TDP1: variants seen among roughly 807,000 people sequenced by gnomAD.
TDP1 encodes the protein tyr-DNA phosphodiesterase 1.
In TDP1, 64 loss-of-function variants were observed where a neutral mutation model predicts 81.5. The ratio of observed to expected loss-of-function variants is 0.79; its 90% CI spans 0.64 to 0.97. The LOEUF (loss-of-function observed/expected upper bound fraction) is 0.97, where lower values mean the gene tolerates loss of function less well. TDP1 is among the 50% of genes least tolerant of loss of function. The probability of loss-of-function intolerance (pLI) is 0.00; values close to 1 mark genes in which losing one functional copy is unlikely to be tolerated. For missense variants in TDP1, 723 were observed against 743.8 expected (o/e 0.97, Z 0.33); for synonymous variants, 256 against 264.3 (o/e 0.97, Z 0.30).
rs549272110 is a variant in TDP1 at position 90,019,480 on chromosome 14, TCTTC to T, written c.1644+66_1644+69del. 251 of 931,286 alleles carry T rather than the reference TCTTC, an allele frequency of 2.7e-4. 3 individuals carry two copies. The South Asian group carries it at 3.2e-3, about 12-fold the overall frequency. 57.7% of individuals were successfully genotyped at this position (931,286 alleles called of 1,614,324 possible). ...GGGAGATGAATTGGGCTTTGTGTTC[TCTTC>T]CTTTAGTCACAACAGCTTGCCTAAG... On this transcript the variant is annotated intron_variant, in intron 15 of 16. Transcript: ENST00000335725.
chr14:89,966,176 G>A lies in TDP1; in HGVS notation c.589G>A (p.Val197Ile). ...TTTATCTCCTTTATTTGGGACGCTT[G>A]TTTCTTCAGCTCAGGTGAGTATACC... ...DILSPLFGTL[V>I]SSAQFNYCFD... Residue 197 changes from valine (V) to isoleucine (I), a missense_variant, in exon 4 of 17, where the codon GTT becomes ATT. Val to Ile is a conservative substitution (Grantham distance 29). Transcript: ENST00000335725. 2 of 1,606,788 alleles carry A rather than the reference G, an allele frequency of 1.2e-6. No individual in the cohort carries two copies. The highest frequency in any genetic ancestry group is 1.7e-6 in the Non-Finnish European group (2 of 1,173,528).
At chr14:89,991,766 A>G in intron 12 of TDP1, 151 bp from the exon 13 acceptor site, 3 of 1,212,758 alleles carry the variant, frequency 2.5e-6, no homozygotes, top group Middle Eastern at 2.9e-4. Flanking sequence ...AACTATAGAC[A>G]TTTTCTTTCA....
chr14:90,003,905 C>T (rs1053737359), intron 14 of TDP1, among the ~76,000 whole-genome samples: 1 of 152,144 alleles, frequency 6.6e-6, no homozygotes, highest in Non-Finnish European at 1.5e-5. Context: ...GATTCTGAAA[C>T]AAATCATCTC....
chr14:89,985,013 A>C, intron 9 of TDP1, 119 bp from the exon 10 acceptor site: 2 of 1,333,486 alleles, frequency 1.5e-6, no homozygotes, highest in Non-Finnish European at 2.0e-6. Context: ...ATTCAAGAAA[A>C]TGGATTGGCT....
At chr14:90,023,912 A>G (rs1886364451) in intron 15 of TDP1, among the ~76,000 whole-genome samples, 1 of 152,060 alleles carries the variant, frequency 6.6e-6, no homozygotes, top group Non-Finnish European at 1.5e-5. Flanking sequence ...GGCTCAAGTG[A>G]TCCTTCTCAG....
chr14:90,001,949 A>G lies in TDP1; in HGVS notation c.1541+8466A>G, dbSNP rs547287804. Among the ~76,000 whole-genome samples the G allele has an allele frequency of 2.6e-5, 4 of 152,242 alleles. No individual in the cohort carries two copies. The South Asian group carries it at 8.3e-4, about 32-fold the overall frequency. Reference sequence around the variant, plus strand: ...TTTGCTTCCCTGTGTCATGAGCTTCAGGTGAGCAAGGTGCCTGATCTTACT... The same window carrying G: ...TTTGCTTCCCTGTGTCATGAGCTTCGGGTGAGCAAGGTGCCTGATCTTACT... On this transcript the variant is annotated intron_variant, in intron 14 of 16. Transcript: ENST00000335725.
intron 12 of TDP1, among the ~76,000 whole-genome samples, chr14:89,991,194 G>A (rs1387603024): frequency 6.6e-6 from 1 of 152,178 alleles, no homozygotes; most frequent in East Asian, 1.9e-4. Flanking sequence ...TTTGCATAAG[G>A]AGGGTAGGAT....
At chr14:90,031,123 T>C (rs1887233631) in intron 15 of TDP1, among the ~76,000 whole-genome samples, 2 of 150,834 alleles carry the variant, frequency 1.3e-5, no homozygotes, top group Non-Finnish European at 2.9e-5. Context: ...TTATTATTAT[T>C]ATACTTTAAG....
chr14:90,034,428 G>A (rs564055563), intron 16 of TDP1, among the ~76,000 whole-genome samples: 2 of 152,302 alleles, frequency 1.3e-5, no homozygotes, highest in African/African-American at 4.8e-5. Flanking sequence ...TTTCACAGTA[G>A]AAACACAATA....
chr14:90,009,669 T>C (rs1178717671), intron 14 of TDP1, among the ~76,000 whole-genome samples: 1 of 152,174 alleles, frequency 6.6e-6, no homozygotes, highest in Non-Finnish European at 1.5e-5. Context: ...TAAAGATTAT[T>C]AAGGAAGAAG....
At chr14:89,977,614 TAAG>T (rs1338587366) in intron 7 of TDP1, among the ~76,000 whole-genome samples, 1 of 152,266 alleles carries the variant, frequency 6.6e-6, no homozygotes, top group Non-Finnish European at 1.5e-5. Flanking sequence ...TAAAATGTTT[TAAG>T]AATTAAATAC....
At chr14:90,038,904 G>GT (rs10659096) in intron 16 of TDP1, among the ~76,000 whole-genome samples, 9,394 of 145,910 alleles carry the variant, frequency 0.064, 605 homozygotes, top group African/African-American at 0.17. Context: ...CAGAAATGAA[G>GT]TTTTTTTTTT....
chr14:90,029,633 G>T (rs1284767607), intron 15 of TDP1, among the ~76,000 whole-genome samples: 1 of 151,510 alleles, frequency 6.6e-6, no homozygotes, highest in African/African-American at 2.4e-5. Flanking sequence ...CAAGTAGCTG[G>T]GATTACAGGC....
chr14:89,997,083 C>G (rs1049431416), intron 14 of TDP1, among the ~76,000 whole-genome samples: 2 of 152,208 alleles, frequency 1.3e-5, no homozygotes, highest in African/African-American at 4.8e-5. Flanking sequence ...TTTGACTATT[C>G]TACATAGGTG....
chr14:90,013,233 T>C (rs1226814008), intron 14 of TDP1, among the ~76,000 whole-genome samples: 1 of 152,174 alleles, frequency 6.6e-6, no homozygotes, highest in Non-Finnish European at 1.5e-5. Context: ...GGTTTTGAAA[T>C]GTGAGAACAT....
chr14:89,967,863 A>G (rs910264160), intron 5 of TDP1, among the ~76,000 whole-genome samples: 5 of 152,138 alleles, frequency 3.3e-5, no homozygotes, highest in African/African-American at 1.2e-4. Context: ...GCCTTCCCTT[A>G]TCTAGGCTCT....
At chr14:89,984,466 T>C (rs754082382) in intron 8 of TDP1, 50 bp from the exon 9 acceptor site, 1 of 1,612,554 alleles carries the variant, frequency 6.2e-7, no homozygotes, top group East Asian at 2.2e-5. Flanking sequence ...ACAGAGATCA[T>C]TATGATCAGT....
In TDP1 at chr14:89,975,867, A is replaced by G. The variant is rs11851399; in HGVS notation, c.791+52A>G. On this transcript the variant is annotated intron_variant, in intron 7 of 16. Coordinates refer to ENST00000335725, the MANE Select transcript of TDP1 (RefSeq NM_018319.4). The stretch of plus-strand genomic sequence containing the variant: ...ACCCCTCAAGCATTGTCATTTGTCC[A>G]TTACACGGTTATTCTTAGGAGAGAC... 51,852 of 1,456,110 alleles carry G rather than the reference A, an allele frequency of 0.036. 3,681 individuals carry two copies. The highest frequency in any genetic ancestry group is 0.3 in the African/African-American group (21,304 of 71,838). 90.2% of individuals were successfully genotyped at this position (1,456,110 alleles called of 1,614,324 possible).
chr14:89,966,843 GT>G, intron 4 of TDP1: 1 of 308,340 alleles, frequency 3.2e-6, no homozygotes, highest in Non-Finnish European at 4.7e-6. Context: ...GCCTCCACGG[GT>G]AAGACCAGTA....
Sources: allele counts gnomAD v4.1 joint callset (sites outside exome capture counted in the v4.1 genomes callset), GRCh38; gene constraint gnomAD v4.1.1; transcripts MANE v1.5; gene names NCBI Gene and HGNC (gene_info 2026-07-23, HGNC 2026-07-21).